The following WLS variants were observed in gnomAD, a reference collection of about 807,000 sequenced individuals.
The protein encoded by WLS is protein wntless homolog.
WLS carries 23 observed loss-of-function variants against 62.8 expected under a neutral mutation model. The observed-to-expected ratio is 0.37, with a 90% CI of 0.26 to 0.52. The LOEUF is 0.52. WLS is among the 20% of genes least tolerant of loss of function. The probability of loss-of-function intolerance (pLI) is 0.92; values close to 1 mark genes in which losing one functional copy is unlikely to be tolerated. For missense variants in WLS, 615 were observed against 697.3 expected (o/e 0.88, Z 1.33); for synonymous variants, 246 against 244.1 (o/e 1.01, Z -0.07).
At chr1:68,170,160 C>CTTTTTTTTTTT (rs571306573) in intron 2 of WLS, among the ~76,000 whole-genome samples, 17 of 86,726 alleles carry the variant, frequency 2.0e-4, no homozygotes, top group East Asian at 3.6e-4. Context: ...GCTACTATTT[C>CTTTTTTTTTTT]TTTTTTTTTT....
At chr1:68,182,326 T>A (rs1296627896) in intron 2 of WLS, among the ~76,000 whole-genome samples, 1 of 152,184 alleles carries the variant, frequency 6.6e-6, no homozygotes, top group Non-Finnish European at 1.5e-5. Flanking sequence ...TTAACAATAA[T>A]CACACTCAAA....
chr1:68,175,519 A>T (rs766928056), intron 2 of WLS, among the ~76,000 whole-genome samples: 2 of 152,228 alleles, frequency 1.3e-5, no homozygotes, highest in Non-Finnish European at 1.5e-5. Context: ...TTATTTCATG[A>T]AATACTACAG....
At chr1:68,151,605 GA>G (rs546410007) in intron 5 of WLS, among the ~76,000 whole-genome samples, 8 of 150,834 alleles carry the variant, frequency 5.3e-5, no homozygotes, top group African/African-American at 2.0e-4. Context: ...TGAGCATCAT[GA>G]AAAAAAAAGC....
intron 11 of WLS, among the ~76,000 whole-genome samples, chr1:68,127,521 A>T (rs1160369161): frequency 6.6e-6 from 1 of 152,108 alleles, no homozygotes; most frequent in Non-Finnish European, 1.5e-5. Flanking sequence ...AAGACAAGTG[A>T]ATGTATAAAC....
chr1:68,177,376 G>A (rs995926190), intron 2 of WLS, among the ~76,000 whole-genome samples: 5 of 152,136 alleles, frequency 3.3e-5, no homozygotes, highest in Admixed American at 2.0e-4. Flanking sequence ...ACCACTGTCC[G>A]GAAGTAATGA....
intron 10 of WLS, chr1:68,142,905 A>G (rs1400475392): frequency 2.0e-5 from 3 of 152,188 alleles, no homozygotes; most frequent in African/African-American, 4.8e-5. Flanking sequence ...TCTCTAGCTG[A>G]AAGATAATGT....
Position 68,150,754 on chromosome 1 carries a change from C to A in WLS, c.804-398G>T, listed in dbSNP as rs142287148. On this transcript the variant is annotated intron_variant, in intron 5 of 11. Transcript: ENST00000262348. ...CTCATTATTATTGTGATATCCTCAG[C>A]AACTATGAATTATATAAGCATATTT... 4.2e-3 allele frequency among the ~76,000 whole-genome samples: 633 copies of A among 152,290 alleles called. 2 individuals carry two copies. Among genetic ancestry groups the A allele is most frequent in the Non-Finnish European group, 5.8e-3 (397 of 68,036 alleles).
At chr1:68,138,273 C>T in intron 10 of WLS, 1 of 232,774 alleles carries the variant, frequency 4.3e-6, no homozygotes. Context: ...ATTATAATTC[C>T]TCCTCTGCTG....
At chr1:68,154,136 C>A (rs1396565612) in intron 4 of WLS, among the ~76,000 whole-genome samples, 1 of 151,904 alleles carries the variant, frequency 6.6e-6, no homozygotes, top group African/African-American at 2.4e-5. Flanking sequence ...GTGTACCCCC[C>A]AAAAAAGCCA....
chr1:68,185,213 G>A (rs555289745), intron 2 of WLS, among the ~76,000 whole-genome samples: 28 of 152,242 alleles, frequency 1.8e-4, no homozygotes, highest in African/African-American at 6.5e-4. Flanking sequence ...GATGCCCATC[G>A]AAAAAACAGG....
intron 11 of WLS, among the ~76,000 whole-genome samples, chr1:68,127,762 A>G (rs867450749): frequency 2.0e-4 from 30 of 152,312 alleles, no homozygotes; most frequent in Middle Eastern, 3.4e-3. Flanking sequence ...ATGCCATACC[A>G]TAACTTAGAA....
At chr1:68,127,650 G>A (rs960109208) in intron 11 of WLS, among the ~76,000 whole-genome samples, 3 of 152,190 alleles carry the variant, frequency 2.0e-5, no homozygotes, top group African/African-American at 7.2e-5. Flanking sequence ...TTGTGTCAGT[G>A]ATTTTTATAT....
intron 1 of WLS, among the ~76,000 whole-genome samples, chr1:68,197,164 C>T (rs1420693423): frequency 2.0e-5 from 3 of 152,114 alleles, no homozygotes; most frequent in Non-Finnish European, 4.4e-5. Context: ...AGTTCCTCAG[C>T]TAAGCTCCAA....
At chr1:68,098,547 G>A (rs1313055453) in exon 12 of WLS, 9 of 1,553,620 alleles carry the variant, frequency 5.8e-6, no homozygotes, top group African/African-American at 4.1e-5. Context: ...CTAAATGAGT[G>A]TATTTGTGTG....
At chr1:68,211,909 C>T (rs980718956) in intron 1 of WLS, among the ~76,000 whole-genome samples, 1 of 152,084 alleles carries the variant, frequency 6.6e-6, no homozygotes, top group African/African-American at 2.4e-5. Context: ...AATTTTTAAC[C>T]CCTCGATTAG....
At chr1:68,168,349 C>T (rs190448523) in intron 2 of WLS, among the ~76,000 whole-genome samples, 1 of 152,282 alleles carries the variant, frequency 6.6e-6, no homozygotes, top group East Asian at 1.9e-4. Flanking sequence ...AAATTGGGCA[C>T]CAAATGGATG....
At chr1:68,183,401 CTACCAATGGCCTGTTCCATCA>C (rs1647704551) in intron 2 of WLS, 1 of 256,818 alleles carries the variant, frequency 3.9e-6, no homozygotes, top group Non-Finnish European at 8.6e-6. Flanking sequence ...GAATATCATA[CTACCAATGGCCTGTTCCATCA>C]TAGCAGGGAT....
At chr1:68,146,366 C>T (rs1489781732) in intron 8 of WLS, among the ~76,000 whole-genome samples, 3 of 152,116 alleles carry the variant, frequency 2.0e-5, no homozygotes, top group Admixed American at 6.5e-5. Context: ...TTGAGAAGCA[C>T]TAATAAACCA....
chr1:68,146,063 C>T (rs1180773429), intron 8 of WLS, 51 bp from the exon 9 acceptor site: 1 of 1,601,342 alleles, frequency 6.2e-7, no homozygotes, highest in Admixed American at 1.7e-5. Context: ...CCAAGTTGAG[C>T]CGGGTCCAGG....
Sources: allele counts gnomAD v4.1 joint callset (sites outside exome capture counted in the v4.1 genomes callset), GRCh38; gene constraint gnomAD v4.1.1; transcripts MANE v1.5; gene names NCBI Gene and HGNC (gene_info 2026-07-23, HGNC 2026-07-21).